The following NALF1 variants were observed in gnomAD, a reference collection of about 807,000 sequenced individuals.
NALF1 encodes the protein NALCN channel auxiliary factor 1, also known as family with sequence similarity 155 member A.
A neutral mutation model predicts 48.4 loss-of-function variants in NALF1; 3 were observed. That is an observed-to-expected ratio of 0.06 (90% CI 0.03 to 0.16). The LOEUF (loss-of-function observed/expected upper bound fraction) is 0.16. Among genes scored for constraint, NALF1 ranks in the 10% least tolerant of loss-of-function variants. NALF1 has a pLI of 1.00. For missense variants in NALF1, 526 were observed against 571.5 expected, an observed-to-expected ratio of 0.92 and a Z score of 0.81; for synonymous variants, 262 against 245.7, an observed-to-expected ratio of 1.07 and a Z score of -0.62.
intron 1 of NALF1, among the ~76,000 whole-genome samples, chr13:107,633,803 T>C (rs919566719): frequency 6.8e-6 from 1 of 147,812 alleles, no homozygotes; most frequent in Non-Finnish European, 1.5e-5. Flanking sequence ...TCTATATATA[T>C]GGATATACAT....
At chr13:107,516,578 A>G (rs1005361395) in intron 1 of NALF1, among the ~76,000 whole-genome samples, 1 of 152,206 alleles carries the variant, frequency 6.6e-6, no homozygotes, top group Non-Finnish European at 1.5e-5. Flanking sequence ...AAACAAAACA[A>G]TTTAAGTAAT....
intron 1 of NALF1, among the ~76,000 whole-genome samples, chr13:107,387,805 T>C (rs1316994879): frequency 6.6e-6 from 1 of 152,232 alleles, no homozygotes; most frequent in Non-Finnish European, 1.5e-5. Flanking sequence ...TAGGTACTTG[T>C]ACTTTTTTCA....
At chr13:107,732,665 A>G (rs184540353) in intron 1 of NALF1, among the ~76,000 whole-genome samples, 23 of 152,276 alleles carry the variant, frequency 1.5e-4, no homozygotes, top group Non-Finnish European at 1.6e-4. Context: ...TCTCTTAGGT[A>G]TTATACAGGA....
Position 107,865,760 on chromosome 13 carries a change from G to A in NALF1, c.837C>T (p.Tyr279=). Residue 279 remains tyrosine (Y), a synonymous_variant, in exon 1 of 3, where the codon TAC becomes TAT. Coordinates refer to ENST00000375915, the MANE Select transcript of NALF1 (RefSeq NM_001080396.3). ...TGTGGAGCACGCTTTCAAACTCTTC[G>A]TATTTCTCCTGAGCATGGTGGTCAT... is the stretch of plus-strand genomic sequence containing the variant. The part of the protein sequence containing the change: ...QDYDHHAQEK[Y]EEFESVLHKY... 6.2e-7 allele frequency: 1 copy of A among 1,614,036 alleles called. No homozygotes were observed. The highest frequency in any genetic ancestry group is 8.5e-7 in the Non-Finnish European group (1 of 1,180,022).
chr13:107,714,642 A>T (rs1875699144), intron 1 of NALF1, among the ~76,000 whole-genome samples: 1 of 151,612 alleles, frequency 6.6e-6, no homozygotes, highest in Non-Finnish European at 1.5e-5. Flanking sequence ...AAAAAAAAGA[A>T]AGATAAAATT....
chr13:107,655,111 C>T (rs1393344102), intron 1 of NALF1, among the ~76,000 whole-genome samples: 1 of 152,084 alleles, frequency 6.6e-6, no homozygotes, highest in African/African-American at 2.4e-5. Context: ...CCTACTTTCA[C>T]CACTTCTACT....
At position 107,484,742 on chromosome 13, in the gene NALF1, A is replaced by G. The variant is rs544555987; in HGVS notation, c.916-273987T>C. On this transcript the variant is annotated intron_variant, in intron 1 of 2. Transcript: ENST00000375915. Reference sequence around the variant, plus strand: ...TTCTGATATTTGTACAGAGTTCTACATGGTAGCATAAGGGTACCATGAAGT... The same window carrying G: ...TTCTGATATTTGTACAGAGTTCTACGTGGTAGCATAAGGGTACCATGAAGT... Among the ~76,000 whole-genome samples, 3 of 152,338 alleles carry G rather than the reference A, an allele frequency of 2.0e-5. No homozygotes were observed. In the East Asian group the frequency reaches 5.8e-4, roughly 29 times the overall value.
intron 1 of NALF1, among the ~76,000 whole-genome samples, chr13:107,308,242 C>G (rs1881978039): frequency 7.0e-6 from 1 of 143,680 alleles, no homozygotes; most frequent in African/African-American, 2.6e-5. Flanking sequence ...CACTCTGTCG[C>G]CCAGGCTGGA....
chr13:107,182,497 C>T (rs61967582), intron 2 of NALF1, among the ~76,000 whole-genome samples: 6,977 of 152,096 alleles, frequency 0.046, 190 homozygotes, highest in Non-Finnish European at 0.058. Context: ...CTCAAACTTC[C>T]GGGCTCAAGT....
chr13:107,455,170 C>T (rs1197759116), intron 1 of NALF1, among the ~76,000 whole-genome samples: 2 of 152,118 alleles, frequency 1.3e-5, no homozygotes, highest in Non-Finnish European at 2.9e-5. Context: ...CCTGCTTCCC[C>T]TTCCACTATG....
intron 1 of NALF1, among the ~76,000 whole-genome samples, chr13:107,404,489 C>T (rs1883866265): frequency 6.6e-6 from 1 of 151,948 alleles, no homozygotes; most frequent in Non-Finnish European, 1.5e-5. Context: ...AATTGACCTA[C>T]AGAAAGAAAA....
chr13:107,660,482 CACAACAAAGAAACAAAAAA>C (rs1880706834), intron 1 of NALF1, among the ~76,000 whole-genome samples: 1 of 86,668 alleles, frequency 1.2e-5, no homozygotes, highest in Admixed American at 1.1e-4. Context: ...CACACACACA[CACAACAAAGAAACAAAAAA>C]ACAAACAAAA....
intron 1 of NALF1, among the ~76,000 whole-genome samples, chr13:107,786,028 G>T (rs1367764846): frequency 6.6e-6 from 1 of 152,156 alleles, no homozygotes; most frequent in African/African-American, 2.4e-5. Flanking sequence ...GGCTCAGAAA[G>T]AAAGTCACAG....
At chr13:107,370,086 C>T (rs938567918) in intron 1 of NALF1, among the ~76,000 whole-genome samples, 5 of 151,992 alleles carry the variant, frequency 3.3e-5, no homozygotes, top group South Asian at 2.1e-4. Flanking sequence ...AAGCTAAATG[C>T]CTATTAACCT....
chr13:107,705,992 G>T (rs1461772919), intron 1 of NALF1, among the ~76,000 whole-genome samples: 1 of 152,166 alleles, frequency 6.6e-6, no homozygotes, highest in Non-Finnish European at 1.5e-5. Context: ...GTGGTGCAGT[G>T]CTTTAAAACA....
chr13:107,265,462 C>T (rs555004392), intron 1 of NALF1, among the ~76,000 whole-genome samples: 1 of 152,210 alleles, frequency 6.6e-6, no homozygotes, highest in Admixed American at 6.5e-5. Context: ...TTTTGTCACC[C>T]AGGCTGGAGT....
chr13:107,332,517 C>T (rs1354796909), intron 1 of NALF1, among the ~76,000 whole-genome samples: 9 of 152,190 alleles, frequency 5.9e-5, no homozygotes, highest in African/African-American at 1.9e-4. Flanking sequence ...CCAGTCTCTA[C>T]GCATGGCCCC....
intron 1 of NALF1, among the ~76,000 whole-genome samples, chr13:107,604,607 G>A (rs1273121664): frequency 6.6e-6 from 1 of 152,264 alleles, no homozygotes; most frequent in East Asian, 1.9e-4. Flanking sequence ...CACAATTAAG[G>A]CTGGAGAATT....
intron 1 of NALF1, among the ~76,000 whole-genome samples, chr13:107,579,137 G>C (rs1047396823): frequency 6.6e-5 from 10 of 152,102 alleles, no homozygotes; most frequent in Admixed American, 1.3e-4. Context: ...TGTTGCCCAG[G>C]CTGGAGTGCA....
Sources: allele counts gnomAD v4.1 joint callset (sites outside exome capture counted in the v4.1 genomes callset), GRCh38; gene constraint gnomAD v4.1.1; transcripts MANE v1.5; gene names NCBI Gene and HGNC (gene_info 2026-07-23, HGNC 2026-07-21).